The following USP40 variants were observed in gnomAD, a reference collection of about 807,000 sequenced individuals.
The protein encoded by USP40 is ubiquitin specific peptidase 40, also known as ubiquitin carboxyl-terminal hydrolase 40.
In USP40, 143 loss-of-function variants were observed where a neutral mutation model predicts 166.2. That is an observed-to-expected ratio of 0.86 (90% CI 0.75 to 0.99). USP40 has a LOEUF of 0.99. Among genes scored for constraint, USP40 ranks in the 50% least tolerant of loss-of-function variants. The pLI is 0.00. For synonymous variants in USP40, 498 were observed against 524.0 expected, an observed-to-expected ratio of 0.95 and a Z score of 0.68; for missense variants, 1,444 against 1,479.7, an observed-to-expected ratio of 0.98 and a Z score of 0.40.
intron 30 of USP40, among the ~76,000 whole-genome samples, chr2:233,482,582 G>C (rs1020394779): frequency 6.6e-5 from 9 of 137,016 alleles, no homozygotes; most frequent in Non-Finnish European, 1.4e-4. Flanking sequence ...TCCCACTGGA[G>C]TTTTTTTTTT....
At position 233,481,186 on chromosome 2, in the gene USP40, C is replaced by T; in HGVS notation, c.3599+17G>A. On this transcript the variant is annotated intron_variant, in intron 31 of 31. Transcript: ENST00000678225. ...GGGCTCTGTCAGCTGCACATCTGTG[C>T]AGACCCCAGCAATTACCTTTTCCTT... 6.3e-7 allele frequency: 1 copy of T among 1,588,752 alleles called. No homozygotes were observed. Among genetic ancestry groups the T allele is most frequent in the Non-Finnish European group, 8.6e-7 (1 of 1,165,252 alleles).
intron 31 of USP40, among the ~76,000 whole-genome samples, chr2:233,479,221 CAGAG>C (rs369906283): frequency 1.3e-5 from 2 of 152,180 alleles, no homozygotes; most frequent in African/African-American, 4.8e-5. Flanking sequence ...AAGGCTTTGA[CAGAG>C]AGGATGCTTG....
intron 4 of USP40, among the ~76,000 whole-genome samples, 181 bp downstream of exon 4, chr2:233,559,630 G>A (rs1170476751): frequency 1.3e-5 from 2 of 152,076 alleles, no homozygotes; most frequent in Non-Finnish European, 2.9e-5. Context: ...ATAAAATCCT[G>A]TATACAGCAA....
intron 6 of USP40, 32 bp downstream of exon 6, chr2:233,554,348 G>A: frequency 6.4e-7 from 1 of 1,574,324 alleles, no homozygotes; most frequent in Non-Finnish European, 8.6e-7. Flanking sequence ...ACAAAGTGGG[G>A]ACCCTGGGAA....
chr2:233,521,146 TAC>T, intron 16 of USP40, 32 bp from the exon 17 acceptor site: 2 of 1,590,584 alleles, frequency 1.3e-6, no homozygotes, highest in Non-Finnish European at 1.7e-6. Context: ...CAGAAATTAA[TAC>T]CTTTCCTTAG....
intron 16 of USP40, among the ~76,000 whole-genome samples, chr2:233,521,871 T>C (rs838546): frequency 0.42 from 63,893 of 152,070 alleles, 15,772 homozygotes; most frequent in African/African-American, 0.7. Context: ...GTATGATAAT[T>C]ATGACAATGA....
At chr2:233,505,651 C>A (rs886287069) in intron 21 of USP40, among the ~76,000 whole-genome samples, 4 of 151,998 alleles carry the variant, frequency 2.6e-5, no homozygotes, top group African/African-American at 7.2e-5. Context: ...TCTGAACAGG[C>A]CAACAAGTGA....
rs13398912 is a variant in USP40 at position 233,493,982 on chromosome 2, T to C, written c.2791-431A>G. Reference sequence around the variant, plus strand: ...ACTAAAGGAAATAAACCCATTGTCTTATACATACCCTGTAATTTCAGTTTT... The same window carrying C: ...ACTAAAGGAAATAAACCCATTGTCTCATACATACCCTGTAATTTCAGTTTT... On this transcript the variant is annotated intron_variant, in intron 24 of 31. Transcript: ENST00000678225. The surrounding 1 kb of genome is among the most constrained non-coding windows in gnomAD (Gnocchi z 4.7). Among the ~76,000 whole-genome samples, 2,029 of 152,322 alleles carry C rather than the reference T, an allele frequency of 0.013. 41 individuals are homozygous for C. Among genetic ancestry groups the C allele is most frequent in the African/African-American group, 0.046 (1,893 of 41,558 alleles).
In USP40 at chr2:233,477,509, G is replaced by A. The variant is rs1396427820; in HGVS notation, c.3600-6C>T. The A allele has an allele frequency of 6.2e-7, 1 of 1,611,502 alleles. No individual in the cohort carries two copies. Among genetic ancestry groups the A allele is most frequent in the South Asian group, 1.1e-5 (1 of 90,770 alleles). ...GCTCATGGAGGGCTTCTTGGCTGCA[G>A]AGACACAGACACTGTCATTGACTCA... On this transcript the variant is annotated splice_region_variant and splice_polypyrimidine_tract_variant and intron_variant, in intron 31 of 31. Transcript: ENST00000678225.
chr2:233,521,399 A>C (rs909144877), intron 16 of USP40, among the ~76,000 whole-genome samples: 3 of 152,146 alleles, frequency 2.0e-5, no homozygotes, highest in African/African-American at 7.2e-5. Flanking sequence ...CACCCTGCAA[A>C]TCACTAGGGG....
rs184784894 is a variant in USP40 at position 233,505,531 on chromosome 2, A to G, written c.2613+4518T>C. ...TACCACAGACATACAAAGGATCATA[A>G]GAGACTATTATGAACAACTACTTGC... On this transcript the variant is annotated intron_variant, in intron 21 of 31. Coordinates refer to ENST00000678225, the MANE Select transcript of USP40 (RefSeq NM_001365479.2). Among the ~76,000 whole-genome samples, 8 of 152,304 alleles carry G rather than the reference A, an allele frequency of 5.3e-5. No individual in the cohort carries two copies. The East Asian group carries it at 1.3e-3, about 26-fold the overall frequency.
intron 3 of USP40, chr2:233,561,013 G>T: frequency 1.0e-6 from 1 of 966,466 alleles, no homozygotes; most frequent in Non-Finnish European, 1.6e-6. Context: ...ATTACCCATA[G>T]GGTATAGGCC....
chr2:233,518,251 TAAAAA>T (rs1156279626), intron 18 of USP40, among the ~76,000 whole-genome samples: 6,823 of 49,340 alleles, frequency 0.14, 248 homozygotes, highest in Non-Finnish European at 0.17. Flanking sequence ...TAACAGATTC[TAAAAA>T]AAAAAAAAAA....
rs777385198 is a variant in USP40, at chr2:233,491,174, T to A, written c.3005A>T (p.Lys1002Met). Residue 1002 changes from lysine to methionine, a missense_variant, in exon 26 of 32, where the codon AAG becomes ATG. Lys to Met is a moderately conservative substitution (Grantham distance 95, BLOSUM62 -1). Transcript: ENST00000678225. ...TGCAGGAAGAAGTCTGACCTGAGAC[T>A]TCAGCTCCGCCAGCGTGGCATCTTC... ...ISEDATLAEL[K>M]SQAMTLPPFL... 1.2e-6 allele frequency: 2 copies of A among 1,607,420 alleles called. No homozygotes were observed. The highest frequency in any genetic ancestry group is 1.1e-5 in the South Asian group (1 of 89,280).
intron 5 of USP40, 41 bp from the exon 6 acceptor site, chr2:233,554,567 A>G: frequency 2.0e-6 from 3 of 1,524,062 alleles, no homozygotes; most frequent in Non-Finnish European, 2.7e-6. Flanking sequence ...ACAATTTCAG[A>G]GGTTTACAAA....
intron 3 of USP40, 141 bp from the exon 4 acceptor site, chr2:233,560,065 CTAAT>C (rs2071437146): frequency 7.4e-6 from 4 of 542,432 alleles, no homozygotes; most frequent in Non-Finnish European, 1.3e-5. Flanking sequence ...AAGGGAAAAA[CTAAT>C]TATGATTCAG....
chr2:233,533,877 T>A, intron 10 of USP40, 98 bp from the exon 11 acceptor site: 2 of 1,223,208 alleles, frequency 1.6e-6, no homozygotes, highest in South Asian at 1.7e-5. Context: ...TTAGATCATT[T>A]AACTTCATCT....
At chr2:233,479,405 A>C (rs1014061274) in intron 31 of USP40, among the ~76,000 whole-genome samples, 1 of 152,148 alleles carries the variant, frequency 6.6e-6, no homozygotes, top group Admixed American at 6.5e-5. Context: ...TCTACTAAAA[A>C]TACAAAAATT....
intron 3 of USP40, chr2:233,560,799 A>ATT: frequency 1.7e-5 from 8 of 458,520 alleles, no homozygotes; most frequent in South Asian, 1.0e-4. Flanking sequence ...ACTAGCCTCT[A>ATT]TTTTTTTTTG....
Sources: gnomAD v4.1 joint callset for allele counts (sites outside exome capture counted in the v4.1 genomes callset) on GRCh38, gnomAD v4.1.1 for gene constraint, Gnocchi (gnomAD v3.1) non-coding constraint, MANE v1.5 for transcripts, NCBI Gene and HGNC (gene_info 2026-07-23, HGNC 2026-07-21) for gene names.